The following HECW1 variants were observed in gnomAD, a reference collection of about 807,000 sequenced individuals.
HECW1 encodes HECT, C2 and WW domain containing E3 ubiquitin protein ligase 1.
Under a neutral mutation model 182.3 loss-of-function variants are expected in HECW1, and 61 were observed. The observed-to-expected ratio is 0.33, with a 90% CI of 0.27 to 0.41. The LOEUF is 0.41. HECW1 is among the 10% of genes least tolerant of loss of function. The pLI, the probability that HECW1 is intolerant of heterozygous loss-of-function variation, is 1.00. For synonymous variants in HECW1, 859 were observed against 832.6 expected (o/e 1.03, Z -0.55); for missense variants, 1,739 against 2,108.9 (o/e 0.82, Z 3.44).
At chr7:43,465,714 A>G (rs1172385152) in intron 14 of HECW1, among the ~76,000 whole-genome samples, 1 of 152,136 alleles carries the variant, frequency 6.6e-6, no homozygotes, top group East Asian at 1.9e-4. Flanking sequence ...AGCTGTGGTT[A>G]GCAACTTGTG....
chr7:43,531,323 T>A (rs1372864749), intron 24 of HECW1, among the ~76,000 whole-genome samples: 1 of 152,152 alleles, frequency 6.6e-6, no homozygotes, highest in Non-Finnish European at 1.5e-5. Context: ...CCCTGTGCAC[T>A]TCTCTTCACC....
At chr7:43,225,937 CTTTT>C (rs1054616454) in intron 2 of HECW1, among the ~76,000 whole-genome samples, 1 of 151,436 alleles carries the variant, frequency 6.6e-6, no homozygotes, top group African/African-American at 2.4e-5. Context: ...ACTCAGCTAA[CTTTT>C]TTTTTATTTT....
chr7:43,289,167 C>T (rs919605400), intron 3 of HECW1, among the ~76,000 whole-genome samples: 4 of 150,388 alleles, frequency 2.7e-5, no homozygotes, highest in African/African-American at 4.9e-5. Context: ...AGTGCAGTGG[C>T]GTGATCTCAG....
chr7:43,113,822 G>T (rs1784834262), intron 1 of HECW1: 2 of 232,410 alleles, frequency 8.6e-6, no homozygotes, highest in Admixed American at 1.1e-4. Context: ...TTGCTCTGCC[G>T]CTTTGACGTC....
chr7:43,319,255 C>T (rs534724697), intron 4 of HECW1, among the ~76,000 whole-genome samples: 4 of 151,204 alleles, frequency 2.6e-5, no homozygotes, highest in South Asian at 2.1e-4. Flanking sequence ...GGCGCGGTGG[C>T]GGGCGCCTGT....
At chr7:43,292,125 A>T (rs897205559) in intron 3 of HECW1, among the ~76,000 whole-genome samples, 1 of 152,198 alleles carries the variant, frequency 6.6e-6, no homozygotes, top group African/African-American at 2.4e-5. Flanking sequence ...GCTTCTCTGC[A>T]TCTGCAGTTT....
Position 43,513,986 on chromosome 7 carries a change from C to G in HECW1, c.4019+4865C>G, listed in dbSNP as rs556159930. On this transcript the variant is annotated intron_variant, in intron 24 of 29. Transcript: ENST00000395891. ...AGCAGGGCAAAGCAGGGAAATAACA[C>G]TCTCAATCAACACTCTTCTTCCACC... is the stretch of plus-strand genomic sequence containing the variant. Among the ~76,000 whole-genome samples, 4 of 152,300 alleles carry G rather than the reference C, an allele frequency of 2.6e-5. No homozygotes were observed. In the East Asian group the frequency reaches 7.7e-4, roughly 29 times the overall value.
intron 6 of HECW1, among the ~76,000 whole-genome samples, chr7:43,387,301 A>G (rs1245466322): frequency 6.6e-6 from 1 of 151,390 alleles, no homozygotes; most frequent in African/African-American, 2.4e-5. Context: ...ACCTTTTTCT[A>G]AGTCTTAGAG....
intron 13 of HECW1, among the ~76,000 whole-genome samples, chr7:43,459,485 G>A (rs1394136341): frequency 6.7e-6 from 1 of 150,248 alleles, no homozygotes; most frequent in East Asian, 1.9e-4. Flanking sequence ...ATAATTTAAG[G>A]GAAATAGAAG....
chr7:43,343,884 G>A (rs1350605190), intron 5 of HECW1, among the ~76,000 whole-genome samples: 1 of 151,718 alleles, frequency 6.6e-6, no homozygotes, highest in Non-Finnish European at 1.5e-5. Context: ...CAGTGTAAAA[G>A]CGTTCCTATT....
intron 5 of HECW1, among the ~76,000 whole-genome samples, chr7:43,353,628 CCCCT>C (rs138965700): frequency 0.44 from 66,299 of 151,352 alleles, 14,586 homozygotes; most frequent in Non-Finnish European, 0.47. Flanking sequence ...ATCCACAATG[CCCCT>C]CCCTCCCCTC....
intron 6 of HECW1, among the ~76,000 whole-genome samples, chr7:43,362,882 G>A (rs1816145480): frequency 6.6e-6 from 1 of 152,254 alleles, no homozygotes. Context: ...GCAGGAATGG[G>A]CTGTGCCCAC....
chr7:43,309,532 A>G (rs142680041), intron 3 of HECW1, among the ~76,000 whole-genome samples: 1 of 152,346 alleles, frequency 6.6e-6, no homozygotes, highest in Non-Finnish European at 1.5e-5. Context: ...TGTCTTCAGC[A>G]AAAGAGAAAG....
At chr7:43,420,927 A>G (rs532726400) in intron 8 of HECW1, among the ~76,000 whole-genome samples, 1 of 152,326 alleles carries the variant, frequency 6.6e-6, no homozygotes, top group East Asian at 1.9e-4. Flanking sequence ...ATGTTAATGT[A>G]ACTTGACAAG....
At chr7:43,240,508 G>A (rs536347510) in intron 2 of HECW1, among the ~76,000 whole-genome samples, 33 of 152,324 alleles carry the variant, frequency 2.2e-4, no homozygotes, top group Non-Finnish European at 8.8e-5. Flanking sequence ...TTTAGCCTAT[G>A]ATAAATCACA....
intron 6 of HECW1, among the ~76,000 whole-genome samples, chr7:43,362,880 G>A (rs921629109): frequency 6.6e-6 from 1 of 152,226 alleles, no homozygotes; most frequent in Non-Finnish European, 1.5e-5. Context: ...TAGCAGGAAT[G>A]GGCTGTGCCC....
chr7:43,188,393 A>T (rs1210028227), intron 2 of HECW1, among the ~76,000 whole-genome samples: 1 of 152,138 alleles, frequency 6.6e-6, no homozygotes, highest in Admixed American at 6.5e-5. Context: ...AGTGTTATTT[A>T]CCCAACACTA....
chr7:43,383,460 T>C (rs1006313204), intron 6 of HECW1, among the ~76,000 whole-genome samples: 2 of 152,254 alleles, frequency 1.3e-5, no homozygotes, highest in Admixed American at 1.3e-4. Context: ...TCCTGACTTT[T>C]TAATAATTGC....
chr7:43,335,611 A>G (rs1341027773), intron 5 of HECW1, among the ~76,000 whole-genome samples: 1 of 152,246 alleles, frequency 6.6e-6, no homozygotes, highest in African/African-American at 2.4e-5. Flanking sequence ...TCAGTCTATG[A>G]TATTTTTATA....
Sources: allele counts gnomAD v4.1 joint callset (sites outside exome capture counted in the v4.1 genomes callset), GRCh38; gene constraint gnomAD v4.1.1; transcripts MANE v1.5; gene names NCBI Gene and HGNC (gene_info 2026-07-23, HGNC 2026-07-21).